The following NEDD4L variants were observed in gnomAD, a reference collection of about 807,000 sequenced individuals.
NEDD4L encodes NEDD4 like E3 ubiquitin protein ligase, also known as E3 ubiquitin-protein ligase NEDD4-like.
A neutral mutation model predicts 148.9 loss-of-function variants in NEDD4L; 54 were observed. The observed-to-expected ratio is 0.36, with a 90% CI of 0.29 to 0.45. The LOEUF (loss-of-function observed/expected upper bound fraction) is 0.45. Ranked by LOEUF, NEDD4L falls within the 20% of genes least tolerant of loss-of-function variation. The pLI, the probability that NEDD4L is intolerant of heterozygous loss-of-function variation, is 1.00. For synonymous variants in NEDD4L, 433 were observed against 440.7 expected (o/e 0.98, Z 0.22); for missense variants, 856 against 1,233.8 (o/e 0.69, Z 4.59).
chr18:58,119,452 T>TCAG (rs2086081349), intron 1 of NEDD4L, among the ~76,000 whole-genome samples: 1 of 152,192 alleles, frequency 6.6e-6, no homozygotes, highest in Non-Finnish European at 1.5e-5. Flanking sequence ...GAATCGCTTA[T>TCAG]CAGCCTGGAC....
intron 1 of NEDD4L, chr18:58,149,208 T>A (rs1002092618): frequency 4.0e-6 from 1 of 251,844 alleles, no homozygotes; most frequent in African/African-American, 2.2e-5. Context: ...TGGCGTTATC[T>A]GGGTCAGATT....
intron 2 of NEDD4L, among the ~76,000 whole-genome samples, chr18:58,180,483 GACAGCTCCCT>G (rs1247700075): frequency 6.6e-6 from 1 of 152,284 alleles, no homozygotes; most frequent in East Asian, 1.9e-4. Flanking sequence ...TTGAGCTGAG[GACAGCTCCCT>G]ACCCCCTTTC....
intron 5 of NEDD4L, among the ~76,000 whole-genome samples, chr18:58,294,213 C>G (rs2149159402): frequency 6.6e-6 from 1 of 152,322 alleles, no homozygotes; most frequent in East Asian, 1.9e-4. Flanking sequence ...AAGGATTCCC[C>G]TTTTCCACCA....
chr18:58,322,720 G>C (rs1016341875), intron 7 of NEDD4L, among the ~76,000 whole-genome samples: 1 of 143,630 alleles, frequency 7.0e-6, no homozygotes, highest in African/African-American at 2.6e-5. Context: ...GGTGGGTGGG[G>C]ATGCCTGCCT....
intron 5 of NEDD4L, among the ~76,000 whole-genome samples, chr18:58,286,970 A>G (rs373849814): frequency 1.6e-4 from 24 of 152,318 alleles, no homozygotes; most frequent in African/African-American, 4.8e-4. Flanking sequence ...CCATAATTAT[A>G]TAACTTTTTA....
intron 1 of NEDD4L, among the ~76,000 whole-genome samples, chr18:58,106,560 C>T (rs1406265768): frequency 6.6e-6 from 1 of 152,174 alleles, no homozygotes. Flanking sequence ...GGGCAAGCCA[C>T]TTGCCTCCTG....
At chr18:58,074,432 G>A (rs944984871) in intron 1 of NEDD4L, among the ~76,000 whole-genome samples, 1 of 110,704 alleles carries the variant, frequency 9.0e-6, no homozygotes, top group African/African-American at 4.1e-5. Flanking sequence ...CTAATTTTTT[G>A]TATTTTTTTT....
At chr18:58,288,236 T>C (rs1222824481) in intron 5 of NEDD4L, among the ~76,000 whole-genome samples, 1 of 152,202 alleles carries the variant, frequency 6.6e-6, no homozygotes, top group Non-Finnish European at 1.5e-5. Flanking sequence ...AGAGAAAACA[T>C]CTGCTGAAAG....
At chr18:58,246,963 C>T (rs192829102) in intron 3 of NEDD4L, among the ~76,000 whole-genome samples, 4 of 152,126 alleles carry the variant, frequency 2.6e-5, no homozygotes, top group Non-Finnish European at 4.4e-5. Flanking sequence ...CAATTGAGCC[C>T]GGGAGATTGA....
At chr18:58,089,126 A>ATT (rs570623396) in intron 1 of NEDD4L, among the ~76,000 whole-genome samples, 10,460 of 100,584 alleles carry the variant, frequency 0.1, 663 homozygotes, top group African/African-American at 0.16. Flanking sequence ...TTATTTCATA[A>ATT]TTTTTTTTTT....
intron 2 of NEDD4L, among the ~76,000 whole-genome samples, chr18:58,221,205 G>A (rs2043722879): frequency 6.6e-6 from 1 of 152,210 alleles, no homozygotes; most frequent in South Asian, 2.1e-4. Flanking sequence ...GTTAGTTTGT[G>A]GCAGGGTGAA....
rs2050720243 is a variant in NEDD4L, at chr18:58,399,570, T to A, written c.*3301T>A. On this transcript the variant is annotated 3_prime_UTR_variant, in exon 31 of 31. Coordinates refer to ENST00000400345, the MANE Select transcript of NEDD4L (RefSeq NM_001144967.3). ...GGCTCAATCTCAGCTCACCACAACC[T>A]CTGCCTCCTGGCTTCAAGCGATTCT... 6.6e-6 allele frequency: 1 copy of A among 152,320 alleles called. No individual in the cohort carries two copies. The highest frequency in any genetic ancestry group is 6.5e-5 in the Admixed American group (1 of 15,286). 9.4% of individuals were successfully genotyped at this position (152,320 alleles called of 1,614,324 possible). A position where few individuals can be genotyped will look rare whatever the true frequency, so the allele number is the denominator to read the frequency against.
At chr18:58,216,801 A>G (rs1479399004) in intron 2 of NEDD4L, among the ~76,000 whole-genome samples, 3 of 152,204 alleles carry the variant, frequency 2.0e-5, no homozygotes, top group African/African-American at 4.8e-5. Context: ...AGTCATTTCC[A>G]TTTAGATGGT....
chr18:58,221,361 T>G (rs1009906905), intron 2 of NEDD4L, among the ~76,000 whole-genome samples: 1 of 152,156 alleles, frequency 6.6e-6, no homozygotes, highest in Non-Finnish European at 1.5e-5. Context: ...AGAACTTCAC[T>G]TGAAGATGCT....
intron 2 of NEDD4L, among the ~76,000 whole-genome samples, chr18:58,234,875 G>A (rs997247304): frequency 2.6e-5 from 4 of 152,116 alleles, no homozygotes; most frequent in South Asian, 2.1e-4. Flanking sequence ...GTCACCTGGG[G>A]GGCTGCCTGT....
chr18:58,335,581 G>A (rs1385845638), intron 13 of NEDD4L, 44 bp downstream of exon 13: 1 of 1,475,230 alleles, frequency 6.8e-7, no homozygotes, highest in Admixed American at 1.7e-5. Flanking sequence ...GAGGCCGTGA[G>A]GCAGTTTTAA....
chr18:58,287,111 T>G (rs1045871258), intron 5 of NEDD4L, among the ~76,000 whole-genome samples: 2 of 152,056 alleles, frequency 1.3e-5, no homozygotes, highest in Admixed American at 1.3e-4. Context: ...TTTTTTTTGT[T>G]TTTTTCTGGG....
intron 5 of NEDD4L, among the ~76,000 whole-genome samples, chr18:58,299,384 G>A (rs1466950981): frequency 6.6e-6 from 1 of 152,232 alleles, no homozygotes; most frequent in Non-Finnish European, 1.5e-5. Flanking sequence ...AATTGCAGCA[G>A]AGCATATGAA....
intron 1 of NEDD4L, among the ~76,000 whole-genome samples, chr18:58,109,572 GTT>G (rs869167759): frequency 3.4e-5 from 4 of 117,640 alleles, no homozygotes; most frequent in Non-Finnish European, 3.4e-5. Context: ...TTTTTTTTTT[GTT>G]TTTTTTTTTT....
Sources: allele counts gnomAD v4.1 joint callset (sites outside exome capture counted in the v4.1 genomes callset), GRCh38; gene constraint gnomAD v4.1.1; transcripts MANE v1.5; gene names NCBI Gene and HGNC (gene_info 2026-07-23, HGNC 2026-07-21).